Variants in PATJ observed in about 807,000 individuals in gnomAD.
PATJ encodes the protein inaD-like protein.
A neutral mutation model predicts 224.9 loss-of-function variants in PATJ; 190 were observed. That is an observed-to-expected ratio of 0.84 (90% confidence interval 0.75 to 0.95). PATJ has a LOEUF of 0.95. Among genes scored for constraint, PATJ ranks in the 40% least tolerant of loss-of-function variants. PATJ has a pLI of 0.00. For missense variants in PATJ, 2,121 were observed against 2,270.3 expected (o/e 0.93, Z 1.34); for synonymous variants, 769 against 820.3 (o/e 0.94, Z 1.07).
At chr1:62,132,047 C>T (rs948190051) in intron 41 of PATJ, among the ~76,000 whole-genome samples, 1 of 152,008 alleles carries the variant, frequency 6.6e-6, no homozygotes, top group Non-Finnish European at 1.5e-5. Flanking sequence ...GGGATTTCAC[C>T]ATGTTGGCCA....
chr1:62,110,972 A>C (rs1015568577), intron 34 of PATJ, among the ~76,000 whole-genome samples: 2 of 152,188 alleles, frequency 1.3e-5, no homozygotes, highest in Admixed American at 1.3e-4. Flanking sequence ...TGTTCTAGCC[A>C]CGCCATGATA....
At chr1:61,785,597 A>G (rs1172728499) in intron 7 of PATJ, among the ~76,000 whole-genome samples, 1 of 152,222 alleles carries the variant, frequency 6.6e-6, no homozygotes, top group African/African-American at 2.4e-5. Flanking sequence ...CTCTGCATGT[A>G]TAAGTTTAAA....
At chr1:61,821,154 C>A (rs1417212833) in intron 14 of PATJ, among the ~76,000 whole-genome samples, 1 of 151,906 alleles carries the variant, frequency 6.6e-6, no homozygotes, top group African/African-American at 2.4e-5. Flanking sequence ...ATGCCATTCT[C>A]CTGCCTCAGC....
chr1:62,094,910 G>A (rs558464199), intron 33 of PATJ, among the ~76,000 whole-genome samples: 2 of 152,286 alleles, frequency 1.3e-5, no homozygotes, highest in East Asian at 1.9e-4. Context: ...GGGAAAATCT[G>A]TGCAGTAAAC....
chr1:62,075,079 A>C (rs1288642889), intron 31 of PATJ, among the ~76,000 whole-genome samples: 1 of 152,232 alleles, frequency 6.6e-6, no homozygotes, highest in South Asian at 2.1e-4. Context: ...CCTAAATATC[A>C]TCTTACATTC....
chr1:61,823,118 T>A (rs759592026), intron 15 of PATJ, 39 bp downstream of exon 15: 5 of 1,609,894 alleles, frequency 3.1e-6, no homozygotes, highest in Non-Finnish European at 4.2e-6. Flanking sequence ...GGCAAGAATC[T>A]GTAAGTTTTA....
intron 1 of PATJ, among the ~76,000 whole-genome samples, chr1:61,759,968 G>T (rs1570308649): frequency 6.6e-6 from 1 of 151,600 alleles, no homozygotes; most frequent in Non-Finnish European, 1.5e-5. Context: ...GTTGAGATTT[G>T]GCAGTAAAAA....
intron 27 of PATJ, among the ~76,000 whole-genome samples, chr1:61,964,835 A>ACC (rs1681851777): frequency 6.6e-6 from 1 of 151,284 alleles, no homozygotes. Flanking sequence ...CTGCTGGCCG[A>ACC]CCGTGGTGGC....
Position 62,013,502 on chromosome 1 carries a change from C to T in PATJ, c.3868-4354C>T, listed in dbSNP as rs746108967. 5.8e-5 allele frequency: 57 copies of T among 985,328 alleles called. No homozygotes were observed. In the Middle Eastern group the frequency reaches 1.6e-3, roughly 27 times the overall value. 61.0% of individuals were successfully genotyped at this position (985,328 alleles called of 1,614,324 possible). ...ACCACCTAGAGGAGGATGTTGGCTC[C>T]TGCCCTAAGGAGCTCCACTCAGTTC... On this transcript the variant is annotated intron_variant, in intron 28 of 43. Transcript: ENST00000642238.
chr1:61,991,222 A>C (rs1365338115), intron 28 of PATJ, among the ~76,000 whole-genome samples: 5 of 152,118 alleles, frequency 3.3e-5, no homozygotes, highest in African/African-American at 1.2e-4. Flanking sequence ...GATGATGACA[A>C]TAACAGCTAA....
At chr1:62,059,759 G>A (rs1397404183) in intron 31 of PATJ, among the ~76,000 whole-genome samples, 3 of 152,162 alleles carry the variant, frequency 2.0e-5, no homozygotes, top group Non-Finnish European at 4.4e-5. Context: ...GAGTAACTGA[G>A]ATGAAAGTTA....
chr1:62,090,095 G>A (rs1047491857), intron 33 of PATJ, among the ~76,000 whole-genome samples: 1 of 152,052 alleles, frequency 6.6e-6, no homozygotes. Context: ...CAAGACAGAC[G>A]GTTTCTGAGA....
chr1:62,137,304 T>A (rs188515582), intron 41 of PATJ, among the ~76,000 whole-genome samples: 2 of 145,886 alleles, frequency 1.4e-5, no homozygotes. Context: ...GAAATTCACA[T>A]CAGAGGGAGA....
chr1:62,053,483 G>A (rs988450850), intron 31 of PATJ, among the ~76,000 whole-genome samples: 2 of 152,212 alleles, frequency 1.3e-5, no homozygotes, highest in South Asian at 4.1e-4. Flanking sequence ...ACTGTGGGAG[G>A]CCAAGACAGG....
chr1:61,944,260 G>C (rs992609622), intron 27 of PATJ, among the ~76,000 whole-genome samples: 1 of 152,108 alleles, frequency 6.6e-6, no homozygotes, highest in East Asian at 1.9e-4. Flanking sequence ...CAGACGATTG[G>C]TAATAACAAA....
intron 27 of PATJ, among the ~76,000 whole-genome samples, chr1:61,968,362 A>G (rs1682461464): frequency 6.6e-6 from 1 of 152,188 alleles, no homozygotes; most frequent in Admixed American, 6.5e-5. Flanking sequence ...CGTTAGCCGT[A>G]AATACCTTTT....
chr1:61,820,295 C>T (rs1656987662), intron 14 of PATJ, among the ~76,000 whole-genome samples: 1 of 152,100 alleles, frequency 6.6e-6, no homozygotes, highest in South Asian at 2.1e-4. Context: ...ACATCGGCCT[C>T]CCAAAGTGTT....
Position 61,901,394 on chromosome 1 carries a change from C to T in PATJ, c.3316C>T (p.Gln1106Ter). ...GGAGCTTAAAGGTATATTCATCAAACAAGTTTTAGAAGACAGTCCAGCAGG... is the reference window on the plus strand; with the variant it reads ...GGAGCTTAAAGGTATATTCATCAAATAAGTTTTAGAAGACAGTCCAGCAGG... ...GEELKGIFIKQVLEDSPAGKT... is the reference protein window; with the variant it reads ...GEELKGIFIK Residue 1106 changes from glutamine to a stop codon, truncating the protein, a stop_gained, in exon 24 of 44, where the codon CAA becomes TAA. Transcript: ENST00000642238. LOFTEE classifies it high-confidence loss of function. 1 of 1,582,436 alleles carries T rather than the reference C, an allele frequency of 6.3e-7. No homozygotes were observed. The highest frequency in any genetic ancestry group is 8.6e-7 in the Non-Finnish European group (1 of 1,169,342).
chr1:62,106,158 G>GTATATGTATATATATATATATATATA (rs1662999540), intron 33 of PATJ, among the ~76,000 whole-genome samples: 1 of 48,062 alleles, frequency 2.1e-5, no homozygotes. Flanking sequence ...GTGTGTGTGT[G>GTATATGTATATATATATATATATATA]TATATATATA....
Sources: allele counts gnomAD v4.1 joint callset (sites outside exome capture counted in the v4.1 genomes callset), GRCh38; gene constraint gnomAD v4.1.1; transcripts MANE v1.5; gene names NCBI Gene and HGNC (gene_info 2026-07-23, HGNC 2026-07-21).